The following GNA14 variants were observed in gnomAD, a reference collection of about 807,000 sequenced individuals.
GNA14 encodes the protein guanine nucleotide-binding protein subunit alpha-14.
GNA14 carries 50 observed loss-of-function variants against 42.0 expected under a neutral mutation model. The ratio of observed to expected loss-of-function variants is 1.19; its 90% CI spans 0.95 to 1.51. GNA14 has a LOEUF of 1.51. Among genes scored for constraint, GNA14 ranks in the 40% most tolerant of loss-of-function variants. The pLI is 0.00. For missense variants in GNA14, 473 were observed against 446.2 expected (o/e 1.06, Z -0.54); for synonymous variants, 173 against 163.1 (o/e 1.06, Z -0.46).
chr9:77,484,625 C>T (rs1182290233), intron 2 of GNA14, among the ~76,000 whole-genome samples: 2 of 152,076 alleles, frequency 1.3e-5, no homozygotes, highest in South Asian at 4.1e-4. Flanking sequence ...TCTTGTAGTA[C>T]AGTTGTCCCC....
chr9:77,459,322 G>A (rs900175711), intron 2 of GNA14, among the ~76,000 whole-genome samples: 1 of 152,170 alleles, frequency 6.6e-6, no homozygotes, highest in Non-Finnish European at 1.5e-5. Context: ...ATAAGGAGCA[G>A]GGGGATTGTC....
intron 2 of GNA14, among the ~76,000 whole-genome samples, chr9:77,473,719 A>G (rs1836371475): frequency 6.6e-6 from 1 of 152,076 alleles, no homozygotes; most frequent in Non-Finnish European, 1.5e-5. Context: ...AAACCTTGAA[A>G]AAGAAGGACA....
At chr9:77,492,732 T>A (rs1402275041) in intron 2 of GNA14, among the ~76,000 whole-genome samples, 1 of 152,026 alleles carries the variant, frequency 6.6e-6, no homozygotes, top group Non-Finnish European at 1.5e-5. Context: ...CCAGGCACTG[T>A]GGCTCACGCC....
chr9:77,641,104 GGAAGGAAGGA>G (rs1824258024), intron 1 of GNA14, among the ~76,000 whole-genome samples: 2 of 2,078 alleles, frequency 9.6e-4, no homozygotes, highest in Non-Finnish European at 1.1e-3. Flanking sequence ...GGGGGGGGAA[GGAAGGAAGGA>G]AGGAAGGAAG....
intron 1 of GNA14, among the ~76,000 whole-genome samples, chr9:77,608,602 A>G (rs1248154846): frequency 6.6e-6 from 1 of 152,150 alleles, no homozygotes; most frequent in Non-Finnish European, 1.5e-5. Context: ...GACCTGTGGT[A>G]AGAGTGGCAG....
At chr9:77,511,622 C>A (rs1160090821) in intron 2 of GNA14, among the ~76,000 whole-genome samples, 4 of 152,122 alleles carry the variant, frequency 2.6e-5, no homozygotes, top group Non-Finnish European at 4.4e-5. Flanking sequence ...GTAACATAAT[C>A]CAGGCAGAAT....
intron 2 of GNA14, among the ~76,000 whole-genome samples, chr9:77,455,103 T>C (rs1433700136): frequency 1.3e-5 from 2 of 152,186 alleles, no homozygotes; most frequent in Non-Finnish European, 2.9e-5. Context: ...ATCAAGATGT[T>C]TGCTGGCTGT....
intron 1 of GNA14, among the ~76,000 whole-genome samples, chr9:77,620,355 C>T (rs1300226576): frequency 2.0e-5 from 3 of 152,074 alleles, no homozygotes; most frequent in Non-Finnish European, 4.4e-5. Context: ...TAGATAACAT[C>T]CAGCTTTTTC....
chr9:77,425,205 T>G (rs761814945), intron 6 of GNA14, among the ~76,000 whole-genome samples: 1 of 151,606 alleles, frequency 6.6e-6, no homozygotes, highest in Non-Finnish European at 1.5e-5. Context: ...CAAGCAGGGG[T>G]TAGGCTGCTG....
intron 1 of GNA14, among the ~76,000 whole-genome samples, chr9:77,613,302 A>C (rs1272094494): frequency 6.6e-6 from 1 of 152,202 alleles, no homozygotes; most frequent in Non-Finnish European, 1.5e-5. Context: ...CTTAACACTA[A>C]ATTTGTGATC....
chr9:77,608,754 T>C (rs2210754), intron 1 of GNA14, among the ~76,000 whole-genome samples: 3,456 of 127,866 alleles, frequency 0.027, 145 homozygotes, highest in African/African-American at 0.085. Flanking sequence ...TTTTGCTTTT[T>C]AATAATTTTT....
chr9:77,622,566 A>C lies in GNA14; in HGVS notation c.124+25104T>G, dbSNP rs559157617. ...GGCGGATCACAGAGTCAGGAGATCG[A>C]GATCATCCTGGCTAAAATGTTGAAA... On this transcript the variant is annotated intron_variant, in intron 1 of 6. Coordinates refer to ENST00000341700, the MANE Select transcript of GNA14 (RefSeq NM_004297.4). Among the ~76,000 whole-genome samples, 4 of 151,284 alleles carry C rather than the reference A, an allele frequency of 2.6e-5. No homozygotes were observed. In the South Asian group the frequency reaches 8.4e-4, roughly 32 times the overall value.
At chr9:77,579,338 C>T (rs1318553965) in intron 1 of GNA14, among the ~76,000 whole-genome samples, 5 of 152,140 alleles carry the variant, frequency 3.3e-5, no homozygotes, top group African/African-American at 7.2e-5. Flanking sequence ...CTCTGCAGGG[C>T]GCGTATGTGT....
intron 1 of GNA14, among the ~76,000 whole-genome samples, chr9:77,534,238 A>G (rs1395947757): frequency 1.3e-5 from 2 of 152,202 alleles, no homozygotes; most frequent in Non-Finnish European, 2.9e-5. Flanking sequence ...TGTGAAATTT[A>G]CCCGTTTACT....
At position 77,445,870 on chromosome 9, in the gene GNA14, T is replaced by C. The variant is rs926155247; in HGVS notation, c.310-11348A>G. On this transcript the variant is annotated intron_variant, in intron 2 of 6. Transcript: ENST00000341700. ...TTGTTCACTGTCTTGTTCCTTCCCT[T>C]CCTCCTCTAGTTGACAGAGTTCTCT... 2.0e-5 allele frequency among the ~76,000 whole-genome samples: 3 copies of C among 152,236 alleles called. No individual in the cohort carries two copies. In the South Asian group the frequency reaches 6.2e-4, roughly 32 times the overall value.
chr9:77,461,779 G>A (rs10119698), intron 2 of GNA14, among the ~76,000 whole-genome samples: 20,943 of 152,008 alleles, frequency 0.14, 3,664 homozygotes, highest in African/African-American at 0.41. Context: ...CCAGCAAACC[G>A]TCTTTCCCTA....
At chr9:77,574,259 TGC>T in intron 1 of GNA14, among the ~76,000 whole-genome samples, 1 of 152,208 alleles carries the variant, frequency 6.6e-6, no homozygotes, top group Non-Finnish European at 1.5e-5. Context: ...ACAATCAAGC[TGC>T]ACCTTGACGG....
intron 2 of GNA14, among the ~76,000 whole-genome samples, chr9:77,492,442 A>T (rs895323486): frequency 6.6e-6 from 1 of 152,022 alleles, no homozygotes; most frequent in Non-Finnish European, 1.5e-5. Flanking sequence ...AGAGAGAGAG[A>T]AGATGCAAAT....
intron 2 of GNA14, among the ~76,000 whole-genome samples, chr9:77,500,607 A>G (rs983537251): frequency 6.6e-6 from 1 of 152,062 alleles, no homozygotes; most frequent in Non-Finnish European, 1.5e-5. Context: ...TCCCATCCCC[A>G]TCCCCACTGA....
Sources: gnomAD v4.1 joint callset for allele counts (sites outside exome capture counted in the v4.1 genomes callset) on GRCh38, gnomAD v4.1.1 for gene constraint, MANE v1.5 for transcripts, NCBI Gene and HGNC (gene_info 2026-07-23, HGNC 2026-07-21) for gene names.